The following CACNG5 variants were observed in gnomAD, a reference collection of about 807,000 sequenced individuals.
The protein encoded by CACNG5 is voltage-dependent calcium channel gamma-5 subunit.
A neutral mutation model predicts 24.8 loss-of-function variants in CACNG5; 18 were observed. That is an observed-to-expected ratio of 0.73 (90% CI 0.50 to 1.08). The LOEUF (loss-of-function observed/expected upper bound fraction) is 1.08. Among genes scored for constraint, CACNG5 ranks in the 50% least tolerant of loss-of-function variants. The pLI, the probability that CACNG5 is intolerant of heterozygous loss-of-function variation, is 0.00. For missense variants in CACNG5, 349 were observed against 367.9 expected, an observed-to-expected ratio of 0.95 and a Z score of 0.42; for synonymous variants, 157 against 149.1, an observed-to-expected ratio of 1.05 and a Z score of -0.39.
At chr17:66,861,805 G>C (rs1307412766) in intron 1 of CACNG5, among the ~76,000 whole-genome samples, 2 of 152,218 alleles carry the variant, frequency 1.3e-5, no homozygotes, top group East Asian at 3.8e-4. Flanking sequence ...GCCCGAGCAG[G>C]CTCCTAATTG....
chr17:66,863,996 G>A (rs905417609), intron 1 of CACNG5, among the ~76,000 whole-genome samples: 6 of 152,124 alleles, frequency 3.9e-5, no homozygotes, highest in East Asian at 1.9e-4. Context: ...TGATATGTCC[G>A]GTAACTTTTG....
intron 1 of CACNG5, among the ~76,000 whole-genome samples, chr17:66,846,530 T>G (rs1017427489): frequency 2.0e-5 from 3 of 152,220 alleles, no homozygotes; most frequent in African/African-American, 7.2e-5. Flanking sequence ...CATAATGTTT[T>G]CAAGGTTCAT....
chr17:66,844,536 T>A (rs1415045817), intron 1 of CACNG5, among the ~76,000 whole-genome samples: 1 of 152,240 alleles, frequency 6.6e-6, no homozygotes, highest in Non-Finnish European at 1.5e-5. Flanking sequence ...TTCCTGGTGC[T>A]GCAGACACAG....
chr17:66,846,371 G>C (rs1048676493), intron 1 of CACNG5, among the ~76,000 whole-genome samples: 1 of 152,180 alleles, frequency 6.6e-6, no homozygotes, highest in Non-Finnish European at 1.5e-5. Context: ...CACCCGTGAA[G>C]CAGTCACTTC....
At chr17:66,856,666 C>T (rs772891662) in intron 1 of CACNG5, among the ~76,000 whole-genome samples, 2 of 151,954 alleles carry the variant, frequency 1.3e-5, no homozygotes, top group Admixed American at 6.6e-5. Context: ...CTCAGCCTCC[C>T]GAGCAGCTGG....
chr17:66,890,998 T>A lies in CACNG5; in HGVS notation c.*5758T>A, dbSNP rs12948256. Among the ~76,000 whole-genome samples, 51,048 of 152,070 alleles carry A rather than the reference T, an allele frequency of 0.34. 8,994 individuals carry two copies. Among genetic ancestry groups the A allele is most frequent in the African/African-American group, 0.44 (18,432 of 41,466 alleles). Reference sequence around the variant, plus strand: ...TTATGCATAATGGAGTGCACATGGCTGGCAGTAGCAGTGGGGAGACAGTTG... The same window carrying A: ...TTATGCATAATGGAGTGCACATGGCAGGCAGTAGCAGTGGGGAGACAGTTG... On this transcript the variant is annotated 3_prime_UTR_variant, in exon 6 of 6. Coordinates refer to ENST00000533854, the MANE Select transcript of CACNG5 (RefSeq NM_145811.3).
chr17:66,881,403 C>T (rs528464518), intron 4 of CACNG5, among the ~76,000 whole-genome samples: 2 of 152,264 alleles, frequency 1.3e-5, no homozygotes, highest in South Asian at 2.1e-4. Context: ...GGGTCCTTTA[C>T]CCCCCATCCC....
chr17:66,882,030 C>A (rs1220795658), intron 4 of CACNG5, among the ~76,000 whole-genome samples: 1 of 151,968 alleles, frequency 6.6e-6, no homozygotes, highest in Non-Finnish European at 1.5e-5. Flanking sequence ...TTTCGAATGA[C>A]CATGCTGGGG....
intron 1 of CACNG5, among the ~76,000 whole-genome samples, chr17:66,844,112 G>C (rs1315303848): frequency 6.6e-6 from 1 of 152,182 alleles, no homozygotes; most frequent in Non-Finnish European, 1.5e-5. Context: ...CAGGATGATA[G>C]AGTAATGCTA....
In CACNG5 at chr17:66,881,072, C is replaced by T. The variant is rs1281505783; in HGVS notation, c.424+375C>T. On this transcript the variant is annotated intron_variant, in intron 4 of 5. Transcript: ENST00000533854. ...CTTTTGCTGTTTAACTCCCAAAAGG[C>T]TCTGCATTGGAAAGTCCTGGAATTA... is the stretch of plus-strand genomic sequence containing the variant. Among the ~76,000 whole-genome samples the T allele has an allele frequency of 5.9e-5, 9 of 152,272 alleles. No homozygotes were observed. In the South Asian group the frequency reaches 1.7e-3, roughly 28 times the overall value.
chr17:66,874,050 C>G (rs1046322994), intron 1 of CACNG5, among the ~76,000 whole-genome samples: 9 of 151,468 alleles, frequency 5.9e-5, no homozygotes, highest in Non-Finnish European at 7.4e-5. Context: ...TTTGAGAACG[C>G]AAGCCTTGAA....
In CACNG5 at chr17:66,877,344, C is replaced by T. The variant is rs138908277; in HGVS notation, c.12C>T (p.Cys4=). The T allele has an allele frequency of 1.1e-4, 178 of 1,613,494 alleles. No homozygotes were observed. The highest frequency in any genetic ancestry group is 7.9e-4 in the African/African-American group (59 of 74,920). ...AACGGTCCAGGAAGATGAGTGCCTG[C>T]GGGAGGAAGGCCCTGACCCTGCTGA... MSA[C]GRKALTLLSS... Residue 4 remains cysteine, a synonymous_variant, in exon 2 of 6, where the codon TGC becomes TGT. Coordinates refer to ENST00000533854, the MANE Select transcript of CACNG5 (RefSeq NM_145811.3).
At chr17:66,866,457 T>G (rs1976932004) in intron 1 of CACNG5, among the ~76,000 whole-genome samples, 1 of 152,166 alleles carries the variant, frequency 6.6e-6, no homozygotes, top group Non-Finnish European at 1.5e-5. Context: ...TTTTTAAATT[T>G]TATTTTATTT....
intron 1 of CACNG5, among the ~76,000 whole-genome samples, chr17:66,843,793 A>G (rs1976598768): frequency 6.6e-6 from 1 of 152,146 alleles, no homozygotes; most frequent in African/African-American, 2.4e-5. Context: ...GCCAGCTGTC[A>G]GCCTGGTCCT....
At position 66,893,035 on chromosome 17, in the gene CACNG5, A is replaced by C. The variant is rs943242619; in HGVS notation, c.*7795A>C. On this transcript the variant is annotated 3_prime_UTR_variant, in exon 6 of 6. Coordinates refer to ENST00000533854, the MANE Select transcript of CACNG5 (RefSeq NM_145811.3). The stretch of plus-strand genomic sequence containing the variant: ...GTCCTTATCAGAGTCCTTGGCACAT[A>C]ATAGGTATTTTGCAAGCATTATCTC... Among the ~76,000 whole-genome samples, 1 of 152,194 alleles carries C rather than the reference A, an allele frequency of 6.6e-6. No homozygotes were observed. The highest frequency in any genetic ancestry group is 1.5e-5 in the Non-Finnish European group (1 of 68,030).
In CACNG5 at chr17:66,885,380, C is replaced by A; in HGVS notation, c.*140C>A. On this transcript the variant is annotated 3_prime_UTR_variant, in exon 6 of 6. Transcript: ENST00000533854. ...GCTGTTGTCACTTGACCCCAGTCCT[C>A]TCCCTGCTTCTCCAGAAGGGCTCTA... The A allele has an allele frequency of 1.0e-6, 1 of 994,612 alleles. No individual in the cohort carries two copies. Among genetic ancestry groups the A allele is most frequent in the Non-Finnish European group, 1.4e-6 (1 of 692,468 alleles). 61.6% of individuals were successfully genotyped at this position (994,612 alleles called of 1,614,324 possible).
rs780572822 is a variant in CACNG5, at chr17:66,884,555, G to C, written c.464G>C (p.Ser155Thr). The change falls in exon 5 of 6, where the codon AGC becomes ACC. Residue 155 changes from serine (S) to threonine (T), a missense_variant. Transcript: ENST00000533854. Reference protein sequence around the residue: ...LVVGLVLYISSINDEMLNRTK... With the variant: ...LVVGLVLYISTINDEMLNRTK... ...GTGGGCCTGGTGCTCTACATCTCCA[G>C]CATCAACGATGAGATGCTCAACAGG... 6 of 1,613,956 alleles carry C rather than the reference G, an allele frequency of 3.7e-6. No homozygotes were observed. Among genetic ancestry groups the C allele is most frequent in the Non-Finnish European group, 5.1e-6 (6 of 1,179,944 alleles).
rs1359932492 is a variant in CACNG5, at chr17:66,894,335, A to G, written c.*9095A>G. Among the ~76,000 whole-genome samples, 1 of 152,216 alleles carries G rather than the reference A, an allele frequency of 6.6e-6. No homozygotes were observed. Among genetic ancestry groups the G allele is most frequent in the Non-Finnish European group, 1.5e-5 (1 of 68,048 alleles). On this transcript the variant is annotated 3_prime_UTR_variant, in exon 6 of 6. Coordinates refer to ENST00000533854, the MANE Select transcript of CACNG5 (RefSeq NM_145811.3). ...GCTTTTTTGCCTGGATTGGGGGAAG[A>G]AAAAGTGATGGGGAAAATGAAGTAC... is the stretch of plus-strand genomic sequence containing the variant.
At chr17:66,840,762 G>A (rs78878268) in intron 1 of CACNG5, among the ~76,000 whole-genome samples, 29 of 152,308 alleles carry the variant, frequency 1.9e-4, no homozygotes, top group African/African-American at 5.8e-4. Flanking sequence ...GGGATGGACC[G>A]CAGTGACAGC....
Sources: gnomAD v4.1 joint callset for allele counts (sites outside exome capture counted in the v4.1 genomes callset) on GRCh38, gnomAD v4.1.1 for gene constraint, MANE v1.5 for transcripts, NCBI Gene and HGNC (gene_info 2026-07-23, HGNC 2026-07-21) for gene names.